The following SLC24A3 variants were observed in gnomAD, a reference collection of about 807,000 sequenced individuals.
SLC24A3 encodes the protein solute carrier family 24 member 3, also known as sodium/potassium/calcium exchanger 3.
In SLC24A3, 28 loss-of-function variants were observed where a neutral mutation model predicts 75.8. That is an observed-to-expected ratio of 0.37 (90% CI 0.27 to 0.51). SLC24A3 has a LOEUF of 0.51. SLC24A3 is among the 20% of genes least tolerant of loss of function. The pLI is 0.94. For missense variants in SLC24A3, 663 were observed against 847.8 expected (o/e 0.78, Z 2.71); for synonymous variants, 372 against 334.1 (o/e 1.11, Z -1.24).
At chr20:19,671,239 A>G (rs759610936) in intron 8 of SLC24A3, among the ~76,000 whole-genome samples, 1 of 152,204 alleles carries the variant, frequency 6.6e-6, no homozygotes, top group Non-Finnish European at 1.5e-5. Context: ...AGGCTCTGGG[A>G]GAGGGAAAGA....
intron 1 of SLC24A3, among the ~76,000 whole-genome samples, chr20:19,245,124 G>C (rs1750857607): frequency 6.6e-6 from 1 of 152,118 alleles, no homozygotes; most frequent in South Asian, 2.1e-4. Flanking sequence ...TTTGATCTGG[G>C]CTCTAGGTGG....
At chr20:19,563,634 T>C (rs1413524112) in intron 3 of SLC24A3, among the ~76,000 whole-genome samples, 1 of 152,246 alleles carries the variant, frequency 6.6e-6, no homozygotes, top group Non-Finnish European at 1.5e-5. Flanking sequence ...AGGCCTATTC[T>C]GTTTTTGGAA....
intron 2 of SLC24A3, among the ~76,000 whole-genome samples, chr20:19,419,491 T>A (rs1986881153): frequency 6.6e-6 from 1 of 152,142 alleles, no homozygotes; most frequent in Non-Finnish European, 1.5e-5. Flanking sequence ...GATTTAATAC[T>A]TAATGACTGA....
At chr20:19,468,454 G>A (rs1470728944) in intron 2 of SLC24A3, among the ~76,000 whole-genome samples, 1 of 152,048 alleles carries the variant, frequency 6.6e-6, no homozygotes, top group African/African-American at 2.4e-5. Flanking sequence ...GCAAGCAGGA[G>A]AGAGTATGGG....
intron 1 of SLC24A3, among the ~76,000 whole-genome samples, chr20:19,262,647 C>T (rs190968836): frequency 1.5e-3 from 222 of 152,218 alleles, no homozygotes; most frequent in African/African-American, 5.0e-3. Flanking sequence ...AGTCAGGCCA[C>T]CCCTTCTCCC....
At chr20:19,698,965 G>T (rs989185633) in intron 15 of SLC24A3, among the ~76,000 whole-genome samples, 1 of 152,162 alleles carries the variant, frequency 6.6e-6, no homozygotes, top group Non-Finnish European at 1.5e-5. Flanking sequence ...CTTTGCTGCT[G>T]TAGCAGAAAA....
At chr20:19,497,775 G>A (rs1329315724) in intron 2 of SLC24A3, among the ~76,000 whole-genome samples, 2 of 152,140 alleles carry the variant, frequency 1.3e-5, no homozygotes, top group East Asian at 3.9e-4. Context: ...GAAAGAGCAT[G>A]CAATGGGAAC....
chr20:19,434,903 G>C (rs967729066), intron 2 of SLC24A3, among the ~76,000 whole-genome samples: 1 of 152,088 alleles, frequency 6.6e-6, no homozygotes, highest in Non-Finnish European at 1.5e-5. Flanking sequence ...TCTTACTTTT[G>C]TAAGCCACTT....
intron 12 of SLC24A3, among the ~76,000 whole-genome samples, chr20:19,691,660 G>A (rs1354254201): frequency 1.3e-5 from 2 of 152,176 alleles, no homozygotes; most frequent in East Asian, 1.9e-4. Flanking sequence ...TGGGGATGAT[G>A]AGATGGTGGG....
chr20:19,712,187 G>T (rs2033000027), intron 15 of SLC24A3, among the ~76,000 whole-genome samples: 1 of 151,956 alleles, frequency 6.6e-6, no homozygotes, highest in South Asian at 2.1e-4. Flanking sequence ...CTAGATTCAG[G>T]CAACCCACCT....
chr20:19,524,581 T>G (rs2030163478), intron 3 of SLC24A3, among the ~76,000 whole-genome samples: 1 of 152,214 alleles, frequency 6.6e-6, no homozygotes, highest in South Asian at 2.1e-4. Context: ...CGTTTACATG[T>G]GGAGATTAGA....
intron 15 of SLC24A3, among the ~76,000 whole-genome samples, chr20:19,699,880 A>G (rs2032851676): frequency 6.6e-6 from 1 of 152,182 alleles, no homozygotes; most frequent in African/African-American, 2.4e-5. Context: ...AACAGCCATG[A>G]TGCCTGAATC....
At position 19,436,830 on chromosome 20, in the gene SLC24A3, G is replaced by A. The variant is rs190746784; in HGVS notation, c.272-78658G>A. Among the ~76,000 whole-genome samples, 16 of 152,232 alleles carry A rather than the reference G, an allele frequency of 1.1e-4. No individual in the cohort carries two copies. In the East Asian group the frequency reaches 3.1e-3, roughly 29 times the overall value. On this transcript the variant is annotated intron_variant, in intron 2 of 16. Coordinates refer to ENST00000328041, the MANE Select transcript of SLC24A3 (RefSeq NM_020689.4). ...GACCAATCACAATGGCTAAGAAACT[G>A]AGGGACCATTTTTGGTTCAGCACAG...
chr20:19,228,026 C>A (rs920681285), intron 1 of SLC24A3, among the ~76,000 whole-genome samples: 9 of 152,106 alleles, frequency 5.9e-5, no homozygotes, highest in Non-Finnish European at 1.2e-4. Flanking sequence ...ATGATTATTT[C>A]TCTATTTCTT....
intron 15 of SLC24A3, among the ~76,000 whole-genome samples, chr20:19,709,091 C>A (rs1277657794): frequency 6.6e-6 from 1 of 152,144 alleles, no homozygotes; most frequent in Non-Finnish European, 1.5e-5. Context: ...CCACAGTGGG[C>A]AATCAGGGCT....
At chr20:19,345,836 G>A (rs551293028) in intron 2 of SLC24A3, among the ~76,000 whole-genome samples, 1 of 151,794 alleles carries the variant, frequency 6.6e-6, no homozygotes, top group African/African-American at 2.4e-5. Context: ...TACACGGTTG[G>A]TGGGAAGGTA....
chr20:19,585,463 T>C lies in SLC24A3; in HGVS notation c.531T>C (p.Asp177=), dbSNP rs150831232. The change falls in exon 6 of 17, where the codon GAT becomes GAC. Residue 177 remains aspartate (D), a synonymous_variant. Coordinates refer to ENST00000328041, the MANE Select transcript of SLC24A3 (RefSeq NM_020689.4). ...CAGGGGTCTTCATCACCAAAGGCGA[T>C]GTGGGAGTTGGCACCATCGTGGGCT... is the stretch of plus-strand genomic sequence containing the variant. ...SVIGVFITKG[D]VGVGTIVGSA... The C allele has an allele frequency of 4.4e-5, 71 of 1,614,174 alleles. No homozygotes were observed. The highest frequency in any genetic ancestry group is 6.7e-5 in the Admixed American group (4 of 60,020).
intron 2 of SLC24A3, among the ~76,000 whole-genome samples, chr20:19,286,679 G>A (rs73124885): frequency 0.025 from 3,802 of 152,226 alleles, 72 homozygotes; most frequent in Non-Finnish European, 0.034. Context: ...GCACAATCTC[G>A]AGTAGCACTG....
intron 7 of SLC24A3, among the ~76,000 whole-genome samples, chr20:19,657,455 A>G (rs892572830): frequency 6.6e-6 from 1 of 152,216 alleles, no homozygotes; most frequent in African/African-American, 2.4e-5. Flanking sequence ...AACTTTAAAT[A>G]TGGCTGGAAA....
Sources: gnomAD v4.1 joint callset for allele counts (sites outside exome capture counted in the v4.1 genomes callset) on GRCh38, gnomAD v4.1.1 for gene constraint, MANE v1.5 for transcripts, NCBI Gene and HGNC (gene_info 2026-07-23, HGNC 2026-07-21) for gene names.